DMD: variants seen among roughly 807,000 people sequenced by gnomAD.
DMD encodes mutant dystrophin.
DMD carries 63 observed loss-of-function variants against 330.1 expected under a neutral mutation model. The ratio of observed to expected loss-of-function variants is 0.19; its 90% CI spans 0.16 to 0.24. DMD has a LOEUF of 0.24. Ranked by LOEUF, DMD falls within the 10% of genes least tolerant of loss-of-function variation. The pLI is 1.00. For synonymous variants in DMD, 1,223 were observed against 959.8 expected (o/e 1.27, Z -5.07); for missense variants, 3,344 against 2,684.1 (o/e 1.25, Z -5.43).
intron 47 of DMD, among the ~76,000 whole-genome samples, chrX:31,902,511 T>C (rs747095773): frequency 1.8e-5 from 2 of 111,787 alleles, no homozygotes; most frequent in South Asian, 7.5e-4. Flanking sequence ...TTATAAACCA[T>C]AAAATTCTGA....
At chrX:31,468,464 T>C (rs7054278) in intron 59 of DMD, among the ~76,000 whole-genome samples, 10,769 of 111,832 alleles carry the variant, frequency 0.096, 390 homozygotes, top group East Asian at 0.2. Flanking sequence ...AGTTTCCATG[T>C]AGTTGTGTGG....
chrX:33,050,981 CA>C (rs1202769444), intron 1 of DMD, among the ~76,000 whole-genome samples: 2 of 111,219 alleles, frequency 1.8e-5, no homozygotes, highest in African/African-American at 3.3e-5. Context: ...TTCAAAAAAA[CA>C]ATAAATCCAA....
chrX:32,068,115 C>T (rs7056107), intron 44 of DMD, among the ~76,000 whole-genome samples: 20,554 of 110,660 alleles, frequency 0.19, 1,928 homozygotes, highest in African/African-American at 0.37. Flanking sequence ...AGTGATGTGA[C>T]GCATTTTTCA....
At position 31,627,804 on chromosome X, in the gene DMD, G is replaced by A. The variant is rs2148422898; in HGVS notation, c.8086C>T (p.Leu2696=). The A allele has an allele frequency of 8.3e-7, 1 of 1,210,701 alleles. No homozygotes were observed. The highest frequency in any genetic ancestry group is 1.1e-6 in the Non-Finnish European group (1 of 894,899). Residue 2696 remains leucine, a synonymous_variant, in exon 55 of 79, where the codon CTG becomes TTG. Coordinates refer to ENST00000357033, the MANE Select transcript of DMD (RefSeq NM_004006.3). ...CAGGCAAGAAACTTTTCCAGGTCCA[G>A]GGGGAACTGTTGCAGTAATCTATGA... is the stretch of plus-strand genomic sequence containing the variant. ...ETHRLLQQFP[L]DLEKFLAWLT...
intron 62 of DMD, among the ~76,000 whole-genome samples, chrX:31,313,419 T>C (rs757686323): frequency 2.2e-3 from 248 of 111,968 alleles, no homozygotes; most frequent in South Asian, 3.7e-3. Context: ...AGTGGTGGAT[T>C]GGCCACATTT....
chrX:31,230,436 C>A (rs2047078843), intron 63 of DMD, among the ~76,000 whole-genome samples: 1 of 110,764 alleles, frequency 9.0e-6, no homozygotes, highest in African/African-American at 3.3e-5. Context: ...ATCACGAGGT[C>A]AGGAGTTCGA....
intron 1 of DMD, among the ~76,000 whole-genome samples, chrX:33,294,907 C>G (rs1434121399): frequency 9.0e-6 from 1 of 110,951 alleles, no homozygotes; most frequent in Non-Finnish European, 1.9e-5. Flanking sequence ...TAAAAAGTTT[C>G]AACTCACAAA....
At position 32,464,605 on chromosome X, in the gene DMD, T is replaced by G. The variant is rs1447405537; in HGVS notation, c.3257A>C (p.Lys1086Thr). 8.3e-7 allele frequency: 1 copy of G among 1,206,206 alleles called. No individual in the cohort carries two copies. The highest frequency in any genetic ancestry group is 1.8e-5 in the South Asian group (1 of 56,857). The change falls in exon 24 of 79, where the codon AAG (lysine) becomes ACG (threonine). Residue 1086 changes from lysine to threonine, a missense_variant. By Grantham distance (78) the Lys-to-Thr change is moderately conservative. Coordinates refer to ENST00000357033, the MANE Select transcript of DMD (RefSeq NM_004006.3). ...PALGDSEILK[K>T]QLKQCRLLVS... is the part of the protein sequence containing the mutation. ...TCTTACTCTGCACTGTTTCAGCTGC[T>G]TTTTTAGAATTTCTGAATCCCCAAG...
At chrX:31,508,898 A>T (rs1222338948) in intron 55 of DMD, among the ~76,000 whole-genome samples, 2 of 111,714 alleles carry the variant, frequency 1.8e-5, no homozygotes, top group Non-Finnish European at 3.8e-5. Context: ...TTTCAGCCAC[A>T]GCCTCTTAAG....
chrX:32,812,922 T>TA lies in DMD; in HGVS notation c.531-3312dup, dbSNP rs1010817561. Among the ~76,000 whole-genome samples the TA allele has an allele frequency of 6.5e-4, 72 of 110,847 alleles. 1 individual carries two copies. The highest frequency in any genetic ancestry group is 9.3e-3 in the Middle Eastern group (2 of 216). On this transcript the variant is annotated intron_variant, in intron 6 of 78. Coordinates refer to ENST00000357033, the MANE Select transcript of DMD (RefSeq NM_004006.3). ...CATTTTTTTCTGTAGGCAATGGGAG[T>TA]AAAAAAAGGACATAGGTGGGAACAT...
At chrX:32,110,680 G>GA (rs1343446891) in intron 44 of DMD, among the ~76,000 whole-genome samples, 6 of 108,493 alleles carry the variant, frequency 5.5e-5, no homozygotes, top group East Asian at 5.8e-4. Context: ...ACACTAGGGG[G>GA]AAAAAAAAAG....
intron 1 of DMD, among the ~76,000 whole-genome samples, chrX:33,337,730 T>G (rs1366497664): frequency 4.5e-5 from 5 of 112,084 alleles, no homozygotes; most frequent in African/African-American, 1.6e-4. Context: ...AGCCCACCAC[T>G]TGCTAATTAA....
intron 7 of DMD, among the ~76,000 whole-genome samples, chrX:32,758,906 A>C (rs1229193200): frequency 8.9e-6 from 1 of 111,868 alleles, no homozygotes; most frequent in Non-Finnish European, 1.9e-5. Context: ...GTAAAATGAA[A>C]AAAATAAAAA....
chrX:31,605,196 T>C (rs1379657418), intron 55 of DMD, among the ~76,000 whole-genome samples: 1 of 111,909 alleles, frequency 8.9e-6, no homozygotes, highest in Non-Finnish European at 1.9e-5. Flanking sequence ...ATTCCTTCTC[T>C]GACCATGTTC....
Position 32,711,616 on chromosome X carries a change from C to CAT in DMD, c.650-12325_650-12324dup, listed in dbSNP as rs756527976. ...CTTTTAAACATTTTATTACAAAAGC[C>CAT]ATACATGCTTATTGTAGTGGAAAAC... is the stretch of plus-strand genomic sequence containing the variant. On this transcript the variant is annotated intron_variant, in intron 7 of 78. Coordinates refer to ENST00000357033, the MANE Select transcript of DMD (RefSeq NM_004006.3). Among the ~76,000 whole-genome samples the CAT allele has an allele frequency of 1.6e-3, 176 of 111,971 alleles. 1 individual carries two copies. The highest frequency in any genetic ancestry group is 5.6e-3 in the African/African-American group (173 of 30,863).
intron 1 of DMD, among the ~76,000 whole-genome samples, chrX:33,123,095 T>C (rs1299836013): frequency 8.9e-6 from 1 of 112,131 alleles, no homozygotes; most frequent in Non-Finnish European, 1.9e-5. Flanking sequence ...TGTGCTACAG[T>C]TGCCTACAGT....
At chrX:31,986,277 TTAAA>T (rs2095508303) in intron 44 of DMD, among the ~76,000 whole-genome samples, 1 of 112,056 alleles carries the variant, frequency 8.9e-6, no homozygotes, top group Non-Finnish European at 1.9e-5. Flanking sequence ...CAATAAAATA[TTAAA>T]TAAAAGATGA....
intron 60 of DMD, among the ~76,000 whole-genome samples, chrX:31,358,903 C>A (rs1205611795): frequency 8.9e-6 from 1 of 112,065 alleles, no homozygotes; most frequent in Non-Finnish European, 1.9e-5. Context: ...GTTCTGTTCC[C>A]AAATAGTCAG....
chrX:32,616,381 C>G (rs1039014963), intron 11 of DMD, among the ~76,000 whole-genome samples: 1 of 111,126 alleles, frequency 9.0e-6, no homozygotes, highest in Non-Finnish European at 1.9e-5. Flanking sequence ...AGATTTGTCT[C>G]TATTCCTCCA....
Sources: allele counts gnomAD v4.1 joint callset (sites outside exome capture counted in the v4.1 genomes callset), GRCh38; gene constraint gnomAD v4.1.1; transcripts MANE v1.5; gene names NCBI Gene and HGNC (gene_info 2026-07-23, HGNC 2026-07-21).